The following TSHR variants were observed in gnomAD, a reference collection of about 807,000 sequenced individuals.
TSHR encodes thyrotropin receptor.
A neutral mutation model predicts 64.1 loss-of-function variants in TSHR; 51 were observed. That is an observed-to-expected ratio of 0.80 (90% CI 0.64 to 1.01). The LOEUF (loss-of-function observed/expected upper bound fraction) is 1.01, where lower values mean the gene tolerates loss of function less well. TSHR is among the 50% of genes least tolerant of loss of function. The pLI is 0.00. For missense variants in TSHR, 877 were observed against 942.8 expected (o/e 0.93, Z 0.91); for synonymous variants, 361 against 361.9 (o/e 1.00, Z 0.03).
intron 2 of TSHR, among the ~76,000 whole-genome samples, chr14:81,063,634 C>T (rs1332309372): frequency 2.0e-5 from 3 of 152,146 alleles, no homozygotes; most frequent in African/African-American, 4.8e-5. Context: ...AACAGCTTGG[C>T]CATTACTTCA....
intron 8 of TSHR, among the ~76,000 whole-genome samples, chr14:81,122,223 A>G (rs1356507337): frequency 6.6e-6 from 1 of 150,580 alleles, no homozygotes; most frequent in South Asian, 2.1e-4. Flanking sequence ...TTGTATTTTT[A>G]GTAGAGATGG....
chr14:81,068,936 T>C lies in TSHR; in HGVS notation c.317+608T>C, dbSNP rs537354806. Among the ~76,000 whole-genome samples, 104 of 152,310 alleles carry C rather than the reference T, an allele frequency of 6.8e-4. No individual in the cohort carries two copies. The South Asian group carries it at 0.02, about 29-fold the overall frequency. ...TCTAGCACCTGAAAACCAGTCAATA[T>C]ACCATTCAAAAATAGAATAATTTTT... On this transcript the variant is annotated intron_variant, in intron 3 of 9. Coordinates refer to ENST00000298171, the MANE Select transcript of TSHR (RefSeq NM_000369.5).
At chr14:81,141,081 G>A (rs934467095) in intron 9 of TSHR, among the ~76,000 whole-genome samples, 5 of 152,218 alleles carry the variant, frequency 3.3e-5, no homozygotes, top group South Asian at 2.1e-4. Flanking sequence ...AGCCGAGATC[G>A]TGCCAGTGCA....
At chr14:81,010,526 GA>G (rs1307164875) in intron 1 of TSHR, among the ~76,000 whole-genome samples, 1 of 151,530 alleles carries the variant, frequency 6.6e-6, no homozygotes, top group Non-Finnish European at 1.5e-5. Context: ...TTTTCTAAAT[GA>G]TTTTTTGCTG....
chr14:81,077,329 A>T (rs1361324921), intron 3 of TSHR, among the ~76,000 whole-genome samples: 1 of 152,250 alleles, frequency 6.6e-6, no homozygotes, highest in Non-Finnish European at 1.5e-5. Context: ...GCATTTTAAA[A>T]ATAATGGATT....
chr14:80,998,278 T>C (rs1398172966), intron 1 of TSHR, among the ~76,000 whole-genome samples: 1 of 152,132 alleles, frequency 6.6e-6, no homozygotes, highest in Admixed American at 6.5e-5. Context: ...CAATCATTCA[T>C]ATGTTAGATT....
rs1246748292 is a variant in TSHR, at chr14:80,983,081, A to G, written c.170+27231A>G. The G allele has an allele frequency of 8.0e-6, 5 of 626,858 alleles. No individual in the cohort carries two copies. The East Asian group carries it at 1.3e-4, about 16-fold the overall frequency. The allele number at this position is 626,858 out of a possible 1,614,324, so 38.8% of individuals were successfully genotyped here. On this transcript the variant is annotated intron_variant, in intron 1 of 9. Transcript: ENST00000298171. ...CAAGAGTTTATTAATGAAATGGTAT[A>G]ATGATGCTTATTGAAAGCTTGCTCA...
intron 1 of TSHR, among the ~76,000 whole-genome samples, chr14:80,963,029 T>A (rs1054648188): frequency 6.6e-6 from 1 of 152,184 alleles, no homozygotes; most frequent in Non-Finnish European, 1.5e-5. Context: ...ACCTCTAATT[T>A]CCTTTTCAAC....
At chr14:81,071,999 A>G (rs1160486749) in intron 3 of TSHR, among the ~76,000 whole-genome samples, 1 of 152,210 alleles carries the variant, frequency 6.6e-6, no homozygotes, top group Admixed American at 6.5e-5. Context: ...ACACAATGAC[A>G]TGCTTTATTG....
At chr14:81,125,261 A>G (rs1256439024) in intron 8 of TSHR, among the ~76,000 whole-genome samples, 1 of 152,196 alleles carries the variant, frequency 6.6e-6, no homozygotes, top group East Asian at 1.9e-4. Context: ...TGATAGAGTT[A>G]TGAGAGAAAA....
intron 1 of TSHR, among the ~76,000 whole-genome samples, chr14:80,986,053 A>G (rs1469854413): frequency 1.3e-5 from 2 of 152,182 alleles, no homozygotes; most frequent in African/African-American, 2.4e-5. Context: ...TTGAGCATTC[A>G]CAGAGCTTGT....
At chr14:81,083,265 C>A (rs1170281988) in intron 3 of TSHR, among the ~76,000 whole-genome samples, 1 of 152,140 alleles carries the variant, frequency 6.6e-6, no homozygotes, top group Non-Finnish European at 1.5e-5. Context: ...AGAAAAAAAA[C>A]CCAGAATGTA....
At chr14:81,020,196 G>A (rs904462438) in intron 1 of TSHR, among the ~76,000 whole-genome samples, 1 of 152,210 alleles carries the variant, frequency 6.6e-6, no homozygotes, top group Admixed American at 6.5e-5. Context: ...GACTGAATGA[G>A]CAGCTACTAT....
chr14:81,119,410 C>CA (rs1270036623), intron 8 of TSHR, among the ~76,000 whole-genome samples: 1 of 140,228 alleles, frequency 7.1e-6, no homozygotes. Flanking sequence ...TTTATGCAGC[C>CA]AAAAAACACA....
chr14:81,092,893 C>G (rs900107559), intron 6 of TSHR, among the ~76,000 whole-genome samples: 4 of 152,184 alleles, frequency 2.6e-5, no homozygotes, highest in African/African-American at 9.7e-5. Flanking sequence ...TCTGTAGGAA[C>G]TGGTCAACTC....
chr14:81,102,823 AT>A, intron 7 of TSHR: 1 of 985,402 alleles, frequency 1.0e-6, no homozygotes, highest in South Asian at 4.7e-5. Context: ...GTTTCTCTGA[AT>A]TTCTGGTAAA....
chr14:80,980,843 T>C (rs1888128803), intron 1 of TSHR, among the ~76,000 whole-genome samples: 1 of 152,194 alleles, frequency 6.6e-6, no homozygotes, highest in Non-Finnish European at 1.5e-5. Flanking sequence ...GTTTCTTAGC[T>C]TTACATATAT....
intron 1 of TSHR, among the ~76,000 whole-genome samples, chr14:81,010,851 A>C (rs879442026): frequency 1.3e-5 from 2 of 149,252 alleles, no homozygotes; most frequent in Non-Finnish European, 3.0e-5. Context: ...TTAGATTTGG[A>C]GGTAACAGAA....
intron 1 of TSHR, among the ~76,000 whole-genome samples, chr14:81,039,698 AC>A (rs1436892381): frequency 6.6e-6 from 1 of 152,054 alleles, no homozygotes; most frequent in Non-Finnish European, 1.5e-5. Flanking sequence ...TGAAAAATAA[AC>A]CAAAAAAGCA....
Sources: gnomAD v4.1 joint callset for allele counts (sites outside exome capture counted in the v4.1 genomes callset) on GRCh38, gnomAD v4.1.1 for gene constraint, MANE v1.5 for transcripts, NCBI Gene and HGNC (gene_info 2026-07-23, HGNC 2026-07-21) for gene names.